Variants in PDE7B observed in about 807,000 individuals in gnomAD.
PDE7B encodes phosphodiesterase 7B, also known as 3',5'-cyclic-AMP phosphodiesterase 7B.
A neutral mutation model predicts 56.2 loss-of-function variants in PDE7B; 29 were observed. That is an observed-to-expected ratio of 0.52 (90% CI 0.38 to 0.70). The LOEUF is 0.70. PDE7B is among the 30% of genes least tolerant of loss of function. PDE7B has a pLI of 0.00. For synonymous variants in PDE7B, 197 were observed against 196.9 expected, an observed-to-expected ratio of 1.00 and a Z score of 0.00; for missense variants, 490 against 565.0, an observed-to-expected ratio of 0.87 and a Z score of 1.35.
chr6:135,906,813 T>TTTTTTTTTTTTTTGTTTTG (rs1776116358), intron 1 of PDE7B, among the ~76,000 whole-genome samples: 5 of 109,294 alleles, frequency 4.6e-5, no homozygotes, highest in African/African-American at 2.6e-4. Flanking sequence ...GAGGTTTGTT[T>TTTTTTTTTTTTTTGTTTTG]TTTTTTTTTT....
intron 1 of PDE7B, among the ~76,000 whole-genome samples, chr6:135,924,522 G>T (rs917391291): frequency 2.0e-5 from 3 of 151,050 alleles, no homozygotes; most frequent in African/African-American, 7.3e-5. Flanking sequence ...CCAAACTCAG[G>T]TCTTCTGGTA....
In PDE7B at chr6:136,096,480, CTTT is replaced by C. The variant is rs201836265; in HGVS notation, c.83-12236_83-12234del. Among the ~76,000 whole-genome samples, 916 of 110,186 alleles carry C rather than the reference CTTT, an allele frequency of 8.3e-3. 12 individuals carry two copies. The highest frequency in any genetic ancestry group is 0.03 in the African/African-American group (864 of 28,844). The allele number at this position is 110,186 out of a possible 152,430, so 72.3% of individuals were successfully genotyped here. On this transcript the variant is annotated intron_variant, in intron 2 of 12. Coordinates refer to ENST00000308191, the MANE Select transcript of PDE7B (RefSeq NM_018945.4). ...CCCATCTTTTCCTTCCCAATGAATGCTTTTTTTTTTTTTTTTTGGCAGTGTTTT... is the reference window on the plus strand; with the variant it reads ...CCCATCTTTTCCTTCCCAATGAATGCTTTTTTTTTTTTTTGGCAGTGTTTT...
intron 2 of PDE7B, among the ~76,000 whole-genome samples, chr6:136,085,009 C>T (rs890758653): frequency 6.6e-5 from 10 of 152,278 alleles, no homozygotes; most frequent in Non-Finnish European, 5.9e-5. Context: ...GACTCCTAGC[C>T]GATGGCTGGC....
chr6:136,067,466 TTG>T (rs1003740562), intron 2 of PDE7B, among the ~76,000 whole-genome samples: 3 of 152,174 alleles, frequency 2.0e-5, no homozygotes, highest in Non-Finnish European at 4.4e-5. Flanking sequence ...ATATTTTTAA[TTG>T]AAATGAAGGC....
intron 2 of PDE7B, among the ~76,000 whole-genome samples, chr6:135,953,023 C>A (rs1446390082): frequency 1.3e-5 from 2 of 152,078 alleles, no homozygotes; most frequent in African/African-American, 2.4e-5. Context: ...GCATATTTAA[C>A]CCAATGCGTA....
At chr6:136,006,354 A>G (rs1354708080) in intron 2 of PDE7B, among the ~76,000 whole-genome samples, 2 of 152,046 alleles carry the variant, frequency 1.3e-5, no homozygotes, top group African/African-American at 2.4e-5. Context: ...TTAAAGTATA[A>G]TAATAAGAAT....
intron 4 of PDE7B, among the ~76,000 whole-genome samples, chr6:136,148,710 C>G (rs574891069): frequency 3.3e-4 from 50 of 152,284 alleles, no homozygotes; most frequent in Non-Finnish European, 6.5e-4. Context: ...TTGGCGGTGT[C>G]TCTCCTCTAA....
chr6:135,887,970 C>T (rs117904687), intron 1 of PDE7B, among the ~76,000 whole-genome samples: 35 of 152,272 alleles, frequency 2.3e-4, no homozygotes, highest in East Asian at 1.3e-3. Context: ...TGTTCTACTG[C>T]GCTTACTATT....
At chr6:136,135,639 C>T (rs1236073748) in intron 3 of PDE7B, among the ~76,000 whole-genome samples, 3 of 151,612 alleles carry the variant, frequency 2.0e-5, no homozygotes, top group Non-Finnish European at 2.9e-5. Context: ...CTCTTATGAC[C>T]ACTGGTGATT....
At chr6:135,939,947 C>T (rs900845070) in intron 1 of PDE7B, among the ~76,000 whole-genome samples, 1 of 152,162 alleles carries the variant, frequency 6.6e-6, no homozygotes, top group African/African-American at 2.4e-5. Context: ...ACAGAGATAG[C>T]TATATTGTAA....
intron 2 of PDE7B, among the ~76,000 whole-genome samples, chr6:135,990,496 G>A (rs972513294): frequency 6.6e-6 from 1 of 152,096 alleles, no homozygotes; most frequent in East Asian, 1.9e-4. Flanking sequence ...GAGGGTTTTC[G>A]AGGCTCCTTT....
rs555779919 is a variant in PDE7B at position 135,972,425 on chromosome 6, CTTTTA to C, written c.82+24905_82+24909del. Among the ~76,000 whole-genome samples the C allele has an allele frequency of 1.1e-3, 165 of 151,924 alleles. 2 individuals are homozygous for C. Among genetic ancestry groups the C allele is most frequent in the African/African-American group, 3.8e-3 (156 of 41,416 alleles). On this transcript the variant is annotated intron_variant, in intron 2 of 12. Transcript: ENST00000308191. ...TCATGTGATTTTAATTATAACCATACTTTTATTTAAAGTGGGAAGGAACAGAAGAT... is the reference window on the plus strand; with the variant it reads ...TCATGTGATTTTAATTATAACCATACTTTAAAGTGGGAAGGAACAGAAGAT...
At chr6:135,873,175 ATTG>A (rs1309857043) in intron 1 of PDE7B, among the ~76,000 whole-genome samples, 2 of 152,152 alleles carry the variant, frequency 1.3e-5, no homozygotes, top group African/African-American at 2.4e-5. Flanking sequence ...TTAAGTGGCA[ATTG>A]TTGTTTAACT....
At chr6:135,959,378 T>C (rs1204132660) in intron 2 of PDE7B, among the ~76,000 whole-genome samples, 1 of 152,136 alleles carries the variant, frequency 6.6e-6, no homozygotes, top group Non-Finnish European at 1.5e-5. Context: ...GAAATGTAAA[T>C]TTCAGAAAAA....
Position 135,851,876 on chromosome 6 carries a change from C to CT in PDE7B, c.-121dup. On this transcript the variant is annotated 5_prime_UTR_variant, in exon 1 of 13. Coordinates refer to ENST00000308191, the MANE Select transcript of PDE7B (RefSeq NM_018945.4). ...TTTTTTTCTTTTTTTTTTTTTGTTA[C>CT]TTAATTATATTCCTAATCCTGGATG... 3 of 467,220 alleles carry CT rather than the reference C, an allele frequency of 6.4e-6. No individual in the cohort carries two copies. The highest frequency in any genetic ancestry group is 7.6e-6 in the Non-Finnish European group (2 of 261,576). 28.9% of individuals were successfully genotyped at this position (467,220 alleles called of 1,614,324 possible).
chr6:135,897,623 A>T (rs1025404216), intron 1 of PDE7B, among the ~76,000 whole-genome samples: 3 of 152,240 alleles, frequency 2.0e-5, no homozygotes, highest in African/African-American at 7.2e-5. Context: ...AGGCTAGACA[A>T]TTAAGAATAA....
Position 135,865,038 on chromosome 6 carries a change from A to G in PDE7B, c.21+13019A>G, listed in dbSNP as rs183948894. The stretch of plus-strand genomic sequence containing the variant: ...TCCCACCTGTGAGTGAGAACATGCA[A>G]TGTTTGTTTTTTTGTCCTTGCAGTA... On this transcript the variant is annotated intron_variant, in intron 1 of 12. Coordinates refer to ENST00000308191, the MANE Select transcript of PDE7B (RefSeq NM_018945.4). Among the ~76,000 whole-genome samples the G allele has an allele frequency of 5.7e-4, 85 of 148,600 alleles. 1 individual carries two copies. The highest frequency in any genetic ancestry group is 2.1e-3 in the African/African-American group (84 of 40,576).
At chr6:136,000,367 G>A (rs1342033908) in intron 2 of PDE7B, among the ~76,000 whole-genome samples, 1 of 152,112 alleles carries the variant, frequency 6.6e-6, no homozygotes, top group Non-Finnish European at 1.5e-5. Context: ...GTCTTCCATG[G>A]TTTTTATAGT....
intron 1 of PDE7B, among the ~76,000 whole-genome samples, chr6:135,889,748 CCATTTTTTTTTTTTTTTTTT>C (rs2128189951): frequency 7.8e-6 from 1 of 128,892 alleles, no homozygotes; most frequent in African/African-American, 3.4e-5. Context: ...GACGGTGCTA[CCATTTTTTTTTTTTTTTTTT>C]TTTTTGAGAT....
Sources: allele counts gnomAD v4.1 joint callset (sites outside exome capture counted in the v4.1 genomes callset), GRCh38; gene constraint gnomAD v4.1.1; transcripts MANE v1.5; gene names NCBI Gene and HGNC (gene_info 2026-07-23, HGNC 2026-07-21).